LAMC2: variants seen among roughly 807,000 people sequenced by gnomAD.
The protein encoded by LAMC2 is laminin subunit gamma-2.
Under a neutral mutation model 140.2 loss-of-function variants are expected in LAMC2, and 97 were observed. The observed-to-expected ratio is 0.69, with a 90% confidence interval of 0.59 to 0.82. The LOEUF is 0.82. Among genes scored for constraint, LAMC2 ranks in the 40% least tolerant of loss-of-function variants. The pLI is 0.00. For missense variants in LAMC2, 1,402 were observed against 1,476.1 expected (o/e 0.95, Z 0.82); for synonymous variants, 513 against 540.2 (o/e 0.95, Z 0.70).
At chr1:183,207,716 T>C (rs1658932581) in intron 1 of LAMC2, among the ~76,000 whole-genome samples, 165 bp from the exon 2 acceptor site, 1 of 152,172 alleles carries the variant, frequency 6.6e-6, no homozygotes, top group Admixed American at 6.5e-5. Flanking sequence ...CCGGGGTCCC[T>C]GCACTGCCAA....
In LAMC2 at chr1:183,222,160, G is replaced by C. The variant is rs1186989733; in HGVS notation, c.712G>C (p.Asp238His). 1 of 1,614,196 alleles carries C rather than the reference G, an allele frequency of 6.2e-7. No homozygotes were observed. The highest frequency in any genetic ancestry group is 8.5e-7 in the Non-Finnish European group (1 of 1,180,028). The change falls in exon 6 of 23, where the codon GAT becomes CAT. Residue 238 changes from aspartate to histidine, a missense_variant. Asp to His is a moderately conservative substitution (Grantham distance 81). Around this residue, in one of 3 missense-constraint regions of LAMC2, gnomAD observed 723 missense variants for 783.3 expected, o/e 0.92. Transcript: ENST00000264144. ...GCTCCAATGGTCACAGCGCCATCAA[G>C]ATGTGTTTAGCTCAGCCCAACGACT... ...AKLQWSQRHQ[D>H]VFSSAQRLDP...
chr1:183,243,548 C>T lies in LAMC2; in HGVS notation c.*148C>T, dbSNP rs1660183762. On this transcript the variant is annotated 3_prime_UTR_variant, in exon 23 of 23. Coordinates refer to ENST00000264144, the MANE Select transcript of LAMC2 (RefSeq NM_005562.3). ...ACTGACCTGACCCCATTCCTGATCC[C>T]ATGGCCAGGTGGTTGTCTTATTGCA... The T allele has an allele frequency of 1.3e-5, 12 of 956,018 alleles. No homozygotes were observed. The Admixed American group carries it at 2.3e-4, about 18-fold the overall frequency. 59.2% of individuals were successfully genotyped at this position (956,018 alleles called of 1,614,324 possible). A position where few individuals can be genotyped will look rare whatever the true frequency, so the allele number is the denominator to read the frequency against.
intron 1 of LAMC2, among the ~76,000 whole-genome samples, chr1:183,203,563 G>C (rs1658790632): frequency 6.7e-6 from 1 of 150,016 alleles, no homozygotes; most frequent in African/African-American, 2.5e-5. Context: ...GTTTGAGAGA[G>C]ACCATTTTTC....
Position 183,232,753 on chromosome 1 carries a change from C to T in LAMC2, c.2116C>T (p.Arg706Trp), listed in dbSNP as rs545407770. The change falls in exon 14 of 23, where the codon CGG becomes TGG. Residue 706 changes from arginine to tryptophan, a missense_variant. Transcript: ENST00000264144. ...DDLKMTVERV[R>W]ALGSQYQNRV... ...CCTCAAGATGACTGTGGAAAGAGTT[C>T]GGGCTCTGGGAAGTCAGTACCAGAA... 8.7e-6 allele frequency: 14 copies of T among 1,613,930 alleles called. No individual in the cohort carries two copies. Among genetic ancestry groups the T allele is most frequent in the Admixed American group, 3.3e-5 (2 of 60,010 alleles).
At chr1:183,245,754 G>A (rs1347377110), downstream of LAMC2, among the ~76,000 whole-genome samples, 2 of 152,208 alleles carry the variant, frequency 1.3e-5, no homozygotes, top group Non-Finnish European at 1.5e-5. Context: ...GTGATTGGCT[G>A]TCTCTTCCAA....
intron 6 of LAMC2, among the ~76,000 whole-genome samples, chr1:183,222,504 T>C (rs1336593739): frequency 6.6e-6 from 1 of 152,076 alleles, no homozygotes; most frequent in Non-Finnish European, 1.5e-5. Flanking sequence ...AACCAAGGAC[T>C]GTGGCCAAAC....
chr1:183,209,050 A>G (rs114892066), intron 2 of LAMC2, among the ~76,000 whole-genome samples: 5,290 of 150,380 alleles, frequency 0.035, 307 homozygotes, highest in African/African-American at 0.12. Flanking sequence ...TCTTTGCTGT[A>G]CACACAGATA....
rs1268953175 is a variant in LAMC2 at position 183,228,546 on chromosome 1, C to T, written c.1641C>T (p.Gly547=). ...TGAAGTGTATCCACAACACAGCCGG[C>T]ATCTACTGCGACCAGTGCAAAGCAG... ...RCLKCIHNTA[G]IYCDQCKAGY... The change falls in exon 11 of 23, where the codon GGC becomes GGT. Residue 547 remains glycine, a synonymous_variant. Transcript: ENST00000264144. This position sits in a 1 kb window ranked among gnomAD's most constrained non-coding sequence, Gnocchi z 4.3. 6.2e-7 allele frequency: 1 copy of T among 1,613,952 alleles called. No individual in the cohort carries two copies. The highest frequency in any genetic ancestry group is 1.1e-5 in the South Asian group (1 of 91,038).
In LAMC2 at chr1:183,240,131, G is replaced by C; in HGVS notation, c.3161G>C (p.Arg1054Thr). 1 of 1,614,204 alleles carries C rather than the reference G, an allele frequency of 6.2e-7. No homozygotes were observed. Among genetic ancestry groups the C allele is most frequent in the Non-Finnish European group, 8.5e-7 (1 of 1,180,040 alleles). ...CTGGCCTCTCTGAAGAGTGAGATGA[G>C]GGAAGTGGAAGGAGAGCTGGAAAGG... ...KGLASLKSEMREVEGELERKE... is the reference protein window; with the variant it reads ...KGLASLKSEMTEVEGELERKE... The change falls in exon 21 of 23, where the codon AGG becomes ACG. Residue 1054 changes from arginine to threonine, a missense_variant. Around this residue, in one of 3 missense-constraint regions of LAMC2, gnomAD observed 670 missense variants for 667.2 expected, o/e 1.00. Transcript: ENST00000264144.
intron 11 of LAMC2, among the ~76,000 whole-genome samples, chr1:183,229,620 C>A (rs552831439): frequency 6.4e-4 from 92 of 142,912 alleles, no homozygotes; most frequent in African/African-American, 2.4e-3. Flanking sequence ...CGGGCAACAG[C>A]GCAAGACTCC....
intron 1 of LAMC2, among the ~76,000 whole-genome samples, chr1:183,190,029 A>C (rs1170612852): frequency 6.6e-6 from 1 of 152,196 alleles, no homozygotes; most frequent in Admixed American, 6.5e-5. Flanking sequence ...GAAGTGGTAT[A>C]GCATCATACA....
chr1:183,195,326 G>A (rs973056734), intron 1 of LAMC2, among the ~76,000 whole-genome samples: 2 of 152,118 alleles, frequency 1.3e-5, no homozygotes, highest in African/African-American at 4.8e-5. Flanking sequence ...ATGAACTCTC[G>A]GTGAAACAGG....
At chr1:183,238,469 C>A in intron 19 of LAMC2, 48 bp downstream of exon 19, 2 of 1,215,752 alleles carry the variant, frequency 1.6e-6, no homozygotes, top group South Asian at 1.2e-5. Context: ...AGTGTATAGT[C>A]ATGACCAATT....
rs781330779 is a variant in LAMC2 at position 183,237,521 on chromosome 1, T to G, written c.2754+17T>G. The G allele has an allele frequency of 1.3e-5, 21 of 1,601,866 alleles. No individual in the cohort carries two copies. Among genetic ancestry groups the G allele is most frequent in the Non-Finnish European group, 1.8e-5 (21 of 1,169,790 alleles). ...GGGAGAGAGGTATTCTTTTGTTAAT[T>G]CATTCACTCAATAAAGATGTATTGA... is the stretch of plus-strand genomic sequence containing the variant. On this transcript the variant is annotated intron_variant, in intron 18 of 22. Coordinates refer to ENST00000264144, the MANE Select transcript of LAMC2 (RefSeq NM_005562.3).
chr1:183,196,581 C>T (rs627064), intron 1 of LAMC2, among the ~76,000 whole-genome samples: 48,330 of 152,102 alleles, frequency 0.32, 8,003 homozygotes, highest in East Asian at 0.43. Context: ...TCAGTATAGC[C>T]TTTTACATTT....
At chr1:183,192,644 A>G (rs480132) in intron 1 of LAMC2, among the ~76,000 whole-genome samples, 86,727 of 152,092 alleles carry the variant, frequency 0.57, 25,483 homozygotes, top group East Asian at 0.73. Flanking sequence ...GCTTTGACCA[A>G]GGCCAGATTT....
At position 183,237,606 on chromosome 1, in the gene LAMC2, C is replaced by T. The variant is rs192385682; in HGVS notation, c.2754+102C>T. On this transcript the variant is annotated intron_variant, in intron 18 of 22. Transcript: ENST00000264144. ...TAATCAAAAGCTCTCTGACCAGGCACGGTGACTTATCCCTGTAATCCCCGC... is the reference window on the plus strand; with the variant it reads ...TAATCAAAAGCTCTCTGACCAGGCATGGTGACTTATCCCTGTAATCCCCGC... 218 of 1,176,166 alleles carry T rather than the reference C, an allele frequency of 1.9e-4. 1 individual carries two copies. The African/African-American group carries it at 2.6e-3, about 14-fold the overall frequency. The allele number at this position is 1,176,166 out of a possible 1,614,324, so 72.9% of individuals were successfully genotyped here.
At chr1:183,240,588 G>C (rs951716672) in intron 22 of LAMC2, 197 bp downstream of exon 22, 2 of 1,436,080 alleles carry the variant, frequency 1.4e-6, no homozygotes, top group South Asian at 3.0e-5. Flanking sequence ...CCGTTGCTAA[G>C]ATGGGTCACT....
chr1:183,225,385 C>T (rs1205296272), intron 7 of LAMC2, among the ~76,000 whole-genome samples: 1 of 152,114 alleles, frequency 6.6e-6, no homozygotes, highest in African/African-American at 2.4e-5. Flanking sequence ...CTGGACTTCC[C>T]ACACTGGGAT....
Sources: allele counts gnomAD v4.1 joint callset (sites outside exome capture counted in the v4.1 genomes callset), GRCh38; gene constraint gnomAD v4.1.1; regional missense constraint gnomAD v4.1.1; non-coding constraint Gnocchi (gnomAD v3.1); transcripts MANE v1.5; gene names NCBI Gene and HGNC (gene_info 2026-07-23, HGNC 2026-07-21).